The following KLF12 variants were observed in gnomAD, a reference collection of about 807,000 sequenced individuals.
KLF12 encodes the protein KLF transcription factor 12.
Under a neutral mutation model 37.8 loss-of-function variants are expected in KLF12, and 9 were observed. The ratio of observed to expected loss-of-function variants is 0.24; its 90% confidence interval spans 0.14 to 0.42. KLF12 has a LOEUF of 0.42. Among genes scored for constraint, KLF12 ranks in the 10% least tolerant of loss-of-function variants. The probability of loss-of-function intolerance (pLI) is 1.00; values close to 1 mark genes in which losing one functional copy is unlikely to be tolerated. For missense variants in KLF12, 411 were observed against 516.0 expected (o/e 0.80, Z 1.97); for synonymous variants, 208 against 202.1 (o/e 1.03, Z -0.25).
rs138136669 is a variant in KLF12, at chr13:73,919,201, C to T, written c.123+24780G>A. On this transcript the variant is annotated intron_variant, in intron 3 of 7. Coordinates refer to ENST00000377669, the MANE Select transcript of KLF12 (RefSeq NM_007249.5). The stretch of plus-strand genomic sequence containing the variant: ...AATTCATTGATTTAGTTCAGCTGTT[C>T]CTTCAAGAATTCTAACAAGGGAGCT... Among the ~76,000 whole-genome samples, 1,003 of 152,240 alleles carry T rather than the reference C, an allele frequency of 6.6e-3. 5 individuals are homozygous for T. The highest frequency in any genetic ancestry group is 0.01 in the Admixed American group (155 of 15,296).
intron 1 of KLF12, among the ~76,000 whole-genome samples, chr13:74,096,846 C>G (rs891785839): frequency 6.6e-6 from 1 of 152,162 alleles, no homozygotes; most frequent in African/African-American, 2.4e-5. Flanking sequence ...AATGCCTGCA[C>G]AGAGAGCTCC....
At chr13:73,897,269 G>A (rs963006218) in intron 3 of KLF12, among the ~76,000 whole-genome samples, 1 of 152,160 alleles carries the variant, frequency 6.6e-6, no homozygotes, top group Non-Finnish European at 1.5e-5. Context: ...CTCAGTATGA[G>A]TGCTGTTTCC....
At chr13:73,732,641 G>A (rs1877151441) in intron 6 of KLF12, among the ~76,000 whole-genome samples, 1 of 152,118 alleles carries the variant, frequency 6.6e-6, no homozygotes, top group African/African-American at 2.4e-5. Context: ...CCTGAGCTCA[G>A]TCCTCCAGCC....
chr13:73,820,069 G>A (rs1227780589), intron 4 of KLF12, among the ~76,000 whole-genome samples: 1 of 152,118 alleles, frequency 6.6e-6, no homozygotes, highest in East Asian at 1.9e-4. Context: ...TGGGTGAGAA[G>A]GGAAGCCATT....
At chr13:74,240,764 G>A in the KLF12 span, among the ~76,000 whole-genome samples, 3 of 130,618 alleles carry the variant, frequency 2.3e-5, no homozygotes, top group East Asian at 2.2e-4. Context: ...CATTCTTCAC[G>A]TAGTTCTCGA....
chr13:74,236,087 C>T, the KLF12 span, among the ~76,000 whole-genome samples: 1 of 148,452 alleles, frequency 6.7e-6, no homozygotes, highest in Non-Finnish European at 1.5e-5. Context: ...CAATGCTGTC[C>T]CTCCCCGCTC....
At chr13:74,152,843 C>T in the KLF12 span, among the ~76,000 whole-genome samples, 1 of 151,150 alleles carries the variant, frequency 6.6e-6, no homozygotes, top group East Asian at 1.9e-4. Context: ...ATGACTGCAC[C>T]ACTGCATTCC....
intron 3 of KLF12, among the ~76,000 whole-genome samples, chr13:73,910,947 G>C (rs1888537741): frequency 1.3e-5 from 2 of 152,126 alleles, no homozygotes; most frequent in Admixed American, 1.3e-4. Flanking sequence ...AACACTCTAT[G>C]TCACCTGGGA....
chr13:73,738,734 A>G (rs1877719588), intron 6 of KLF12, among the ~76,000 whole-genome samples: 1 of 152,304 alleles, frequency 6.6e-6, no homozygotes, highest in Admixed American at 6.5e-5. Flanking sequence ...AACAAAGACC[A>G]TGATAAACAT....
At chr13:73,735,851 C>T (rs758884245) in intron 6 of KLF12, among the ~76,000 whole-genome samples, 26 of 152,094 alleles carry the variant, frequency 1.7e-4, no homozygotes, top group Non-Finnish European at 1.5e-4. Context: ...GTCAAGGGTG[C>T]ACAGTGAGAG....
chr13:74,166,035 G>A, the KLF12 span, among the ~76,000 whole-genome samples: 1 of 148,476 alleles, frequency 6.7e-6, no homozygotes, highest in African/African-American at 2.5e-5. Flanking sequence ...ATTGCTGGTT[G>A]TTAGTTCAGG....
chr13:74,098,456 A>C (rs1304707427), intron 1 of KLF12, among the ~76,000 whole-genome samples: 3 of 152,292 alleles, frequency 2.0e-5, no homozygotes, highest in Admixed American at 1.3e-4. Context: ...TGGAGAGCTA[A>C]ATTCTCATTC....
At chr13:74,142,112 A>C in the KLF12 span, among the ~76,000 whole-genome samples, 2 of 152,226 alleles carry the variant, frequency 1.3e-5, no homozygotes, top group Non-Finnish European at 2.9e-5. Context: ...ATTAAAGTAC[A>C]CAAACCATAA....
chr13:73,951,927 A>G (rs1339340114), intron 2 of KLF12, among the ~76,000 whole-genome samples: 1 of 152,216 alleles, frequency 6.6e-6, no homozygotes, highest in African/African-American at 2.4e-5. Context: ...TAGCCTTGAA[A>G]CTTACACCAT....
the KLF12 span, among the ~76,000 whole-genome samples, chr13:74,287,887 T>C: frequency 6.6e-6 from 1 of 152,196 alleles, no homozygotes; most frequent in Non-Finnish European, 1.5e-5. Context: ...TCACTGCTCA[T>C]CCAGCACTGC....
rs559435024 is a variant in KLF12 at position 73,903,986 on chromosome 13, G to T, written c.123+39995C>A. On this transcript the variant is annotated intron_variant, in intron 3 of 7. Coordinates refer to ENST00000377669, the MANE Select transcript of KLF12 (RefSeq NM_007249.5). Reference sequence around the variant, plus strand: ...ATTTCTTCCATAAAACTGGGCCCTGGTGCCAAAAAAGGTGATGACTGCTGC... The same window carrying T: ...ATTTCTTCCATAAAACTGGGCCCTGTTGCCAAAAAAGGTGATGACTGCTGC... Among the ~76,000 whole-genome samples, 25 of 152,256 alleles carry T rather than the reference G, an allele frequency of 1.6e-4. 1 individual carries two copies. The South Asian group carries it at 5.2e-3, about 32-fold the overall frequency.
chr13:73,892,703 A>C (rs1887566326), intron 3 of KLF12, among the ~76,000 whole-genome samples: 1 of 152,192 alleles, frequency 6.6e-6, no homozygotes, highest in Non-Finnish European at 1.5e-5. Context: ...TTGCTAGAGA[A>C]AGACATCTAA....
chr13:74,252,458 T>G, the KLF12 span, among the ~76,000 whole-genome samples: 1 of 152,214 alleles, frequency 6.6e-6, no homozygotes, highest in Non-Finnish European at 1.5e-5. Context: ...CATAAAAGAC[T>G]GACCCTATCA....
chr13:74,094,997 C>T (rs569479101), intron 1 of KLF12, among the ~76,000 whole-genome samples: 1 of 152,318 alleles, frequency 6.6e-6, no homozygotes, highest in Admixed American at 6.5e-5. Flanking sequence ...AGTTATCCTA[C>T]ACATTGTATG....
Sources: gnomAD v4.1 joint callset for allele counts (sites outside exome capture counted in the v4.1 genomes callset) on GRCh38, gnomAD v4.1.1 for gene constraint, MANE v1.5 for transcripts, NCBI Gene and HGNC (gene_info 2026-07-23, HGNC 2026-07-21) for gene names.